QKI: variants seen among roughly 807,000 people sequenced by gnomAD.
QKI encodes the protein KH domain-containing RNA-binding protein QKI.
Under a neutral mutation model 39.0 loss-of-function variants are expected in QKI, and 10 were observed. That is an observed-to-expected ratio of 0.26 (90% CI 0.16 to 0.43). The LOEUF is 0.43. Ranked by LOEUF, QKI falls within the 20% of genes least tolerant of loss-of-function variation. The pLI is 1.00. For synonymous variants in QKI, 204 were observed against 155.4 expected (o/e 1.31, Z -2.33); for missense variants, 218 against 428.0 (o/e 0.51, Z 4.33).
chr6:163,480,708 A>G (rs1274604927), intron 3 of QKI, among the ~76,000 whole-genome samples: 4 of 152,202 alleles, frequency 2.6e-5, no homozygotes, highest in Non-Finnish European at 5.9e-5. Flanking sequence ...GTTGAGTGAT[A>G]ATCTTTTCAA....
chr6:163,486,966 G>T (rs994397303), intron 3 of QKI, among the ~76,000 whole-genome samples: 2 of 152,252 alleles, frequency 1.3e-5, no homozygotes, highest in African/African-American at 4.8e-5. Context: ...TTGAATTTTT[G>T]GGTGGGGGAA....
At chr6:163,522,106 C>A (rs1330049518) in intron 3 of QKI, among the ~76,000 whole-genome samples, 1 of 152,174 alleles carries the variant, frequency 6.6e-6, no homozygotes, top group Admixed American at 6.5e-5. Flanking sequence ...TTAATTCTTG[C>A]AACCTTGTAA....
In QKI at chr6:163,565,222, GTTTTC is replaced by G. The variant is rs1783284729; in HGVS notation, c.935-1492_935-1488del. On this transcript the variant is annotated intron_variant, in intron 6 of 7. Transcript: ENST00000361752. Reference sequence around the variant, plus strand: ...TGTAACCTGTAACCTTGTTGTTTAAGTTTTCTTTTCTATTAATACTCTGTCCTGTG... The same window carrying G: ...TGTAACCTGTAACCTTGTTGTTTAAGTTTTCTATTAATACTCTGTCCTGTG... 4 of 987,490 alleles carry G rather than the reference GTTTTC, an allele frequency of 4.1e-6. No individual in the cohort carries two copies. In the South Asian group the frequency reaches 1.4e-4, roughly 34 times the overall value. The allele number at this position is 987,490 out of a possible 1,614,324, so 61.2% of individuals were successfully genotyped here.
At chr6:163,569,732 T>C in intron 7 of QKI, 2 of 998,436 alleles carry the variant, frequency 2.0e-6, no homozygotes, top group Non-Finnish European at 2.4e-6. Context: ...TATAAAAATA[T>C]AAAGCAGGAA....
At position 163,532,634 on chromosome 6, in the gene QKI, C is replaced by G. The variant is rs140129001; in HGVS notation, c.403-2348C>G. Among the ~76,000 whole-genome samples the G allele has an allele frequency of 5.9e-3, 893 of 152,262 alleles. 4 individuals carry two copies. The highest frequency in any genetic ancestry group is 9.5e-3 in the Non-Finnish European group (643 of 68,014). On this transcript the variant is annotated intron_variant, in intron 3 of 7. Transcript: ENST00000361752. Reference sequence around the variant, plus strand: ...GCAAGACCTTTCTGTGTCCCTTACCCGTGGGGAATCCTTCAAGTCTTTCAG... The same window carrying G: ...GCAAGACCTTTCTGTGTCCCTTACCGGTGGGGAATCCTTCAAGTCTTTCAG...
intron 2 of QKI, among the ~76,000 whole-genome samples, chr6:163,461,997 T>TA (rs1156895284): frequency 6.6e-6 from 1 of 152,246 alleles, no homozygotes; most frequent in Non-Finnish European, 1.5e-5. Flanking sequence ...AAAAGTACCT[T>TA]AGTTTTTGAG....
chr6:163,521,583 C>A (rs548873337), intron 3 of QKI, among the ~76,000 whole-genome samples: 1 of 152,216 alleles, frequency 6.6e-6, no homozygotes, highest in African/African-American at 2.4e-5. Context: ...AGTGCAGTGG[C>A]ATGATCTCGG....
chr6:163,455,155 A>G (rs1234941644), intron 1 of QKI, 124 bp from the exon 2 acceptor site: 2 of 605,934 alleles, frequency 3.3e-6, no homozygotes, highest in Non-Finnish European at 5.4e-6. Flanking sequence ...AGAATAGGCC[A>G]GGAGCTCCTT....
At chr6:163,424,674 TTCTC>T (rs1281986244) in intron 1 of QKI, among the ~76,000 whole-genome samples, 1 of 152,012 alleles carries the variant, frequency 6.6e-6, no homozygotes, top group Non-Finnish European at 1.5e-5. Flanking sequence ...GTGTGAGTCT[TTCTC>T]TGTTGCCAAA....
At chr6:163,418,318 TTTCC>T in intron 1 of QKI, among the ~76,000 whole-genome samples, 1 of 152,278 alleles carries the variant, frequency 6.6e-6, no homozygotes, top group South Asian at 2.1e-4. Context: ...AGCCTAAGAA[TTTCC>T]ATTTGGCTAG....
intron 4 of QKI, 39 bp from the exon 5 acceptor site, chr6:163,561,943 G>A (rs1321647871): frequency 1.3e-6 from 2 of 1,492,376 alleles, no homozygotes; most frequent in African/African-American, 2.8e-5. Flanking sequence ...TTTGTGGACA[G>A]TCTCAAATGC....
intron 6 of QKI, chr6:163,565,737 A>G: frequency 2.4e-6 from 3 of 1,241,398 alleles, no homozygotes; most frequent in Non-Finnish European, 3.0e-6. Context: ...GAGAACTCAG[A>G]AAATTATTTT....
chr6:163,563,406 T>TTTGCTTAC lies in QKI; in HGVS notation c.635-12_635-5dup. The TTTGCTTAC allele has an allele frequency of 1.3e-6, 2 of 1,572,250 alleles. No individual in the cohort carries two copies. The highest frequency in any genetic ancestry group is 8.6e-7 in the Non-Finnish European group (1 of 1,159,416). ...GTCTCTATACTTCTTTCTAAATTTC[T>TTTGCTTAC]TTGCTTACTGTAGCAGCCCTTGCCT... On this transcript the variant is annotated splice_polypyrimidine_tract_variant and intron_variant, in intron 5 of 7. Transcript: ENST00000361752.
Position 163,484,261 on chromosome 6 carries a change from G to A in QKI, c.402+5365G>A, listed in dbSNP as rs78309531. Among the ~76,000 whole-genome samples, 24 of 150,864 alleles carry A rather than the reference G, an allele frequency of 1.6e-4. 1 individual carries two copies. The East Asian group carries it at 4.7e-3, about 30-fold the overall frequency. On this transcript the variant is annotated intron_variant, in intron 3 of 7. Coordinates refer to ENST00000361752, the MANE Select transcript of QKI (RefSeq NM_006775.3). ...TCTACCGCCCAGGCTGGTGTGTAGT[G>A]GTGCAATCTCAGGTCACTGCAACCT...
intron 1 of QKI, among the ~76,000 whole-genome samples, chr6:163,427,466 A>G (rs1279726342): frequency 6.6e-6 from 1 of 151,978 alleles, no homozygotes; most frequent in Non-Finnish European, 1.5e-5. Context: ...GTTGATGACA[A>G]TTATTTTCCT....
intron 3 of QKI, 46 bp downstream of exon 3, chr6:163,478,942 ATACTT>A (rs779341309): frequency 4.4e-6 from 6 of 1,365,728 alleles, no homozygotes; most frequent in African/African-American, 2.9e-5. Flanking sequence ...GTAACTTACT[ATACTT>A]TTACATCGTA....
At chr6:163,457,226 A>C (rs1485468374) in intron 2 of QKI, among the ~76,000 whole-genome samples, 1 of 152,132 alleles carries the variant, frequency 6.6e-6, no homozygotes, top group Non-Finnish European at 1.5e-5. Flanking sequence ...ATATAATGTT[A>C]ATCTGTCTGG....
At chr6:163,430,707 GT>G (rs1401397728) in intron 1 of QKI, among the ~76,000 whole-genome samples, 5 of 152,144 alleles carry the variant, frequency 3.3e-5, no homozygotes, top group Non-Finnish European at 7.4e-5. Context: ...CATCTTCCCA[GT>G]TTGCTTTTTA....
chr6:163,524,881 A>G (rs942293282), intron 3 of QKI, among the ~76,000 whole-genome samples: 27 of 152,162 alleles, frequency 1.8e-4, no homozygotes, highest in African/African-American at 6.0e-4. Context: ...TCCATGTGCT[A>G]TCCGAACACT....
Sources: gnomAD v4.1 joint callset for allele counts (sites outside exome capture counted in the v4.1 genomes callset) on GRCh38, gnomAD v4.1.1 for gene constraint, MANE v1.5 for transcripts, NCBI Gene and HGNC (gene_info 2026-07-23, HGNC 2026-07-21) for gene names.